KCNAB1: variants seen among roughly 807,000 people sequenced by gnomAD.
KCNAB1 encodes the protein voltage-gated potassium channel subunit beta-1.
A neutral mutation model predicts 64.6 loss-of-function variants in KCNAB1; 35 were observed. The ratio of observed to expected loss-of-function variants is 0.54; its 90% CI spans 0.41 to 0.72. KCNAB1 has a LOEUF of 0.72. Ranked by LOEUF, KCNAB1 falls within the 30% of genes least tolerant of loss-of-function variation. The pLI, the probability that KCNAB1 is intolerant of heterozygous loss-of-function variation, is 0.00. For synonymous variants in KCNAB1, 177 were observed against 183.8 expected (o/e 0.96, Z 0.30); for missense variants, 401 against 512.9 (o/e 0.78, Z 2.11).
chr3:156,239,711 C>A (rs917831568), intron 1 of KCNAB1, among the ~76,000 whole-genome samples: 1 of 152,148 alleles, frequency 6.6e-6, no homozygotes, highest in Non-Finnish European at 1.5e-5. Context: ...TTCCATTCGA[C>A]GTATTTATCA....
intron 1 of KCNAB1, among the ~76,000 whole-genome samples, chr3:156,255,683 C>T (rs944121470): frequency 2.0e-5 from 3 of 152,302 alleles, no homozygotes; most frequent in Admixed American, 2.0e-4. Flanking sequence ...TAACAATGGG[C>T]TCATGTGTCC....
At chr3:156,184,384 T>C (rs1335616433) in intron 1 of KCNAB1, among the ~76,000 whole-genome samples, 1 of 152,122 alleles carries the variant, frequency 6.6e-6, no homozygotes, top group Non-Finnish European at 1.5e-5. Context: ...TCCAGCTCTG[T>C]TTTGGGCCAG....
chr3:156,154,603 C>T (rs1715609766), intron 1 of KCNAB1, among the ~76,000 whole-genome samples: 1 of 152,146 alleles, frequency 6.6e-6, no homozygotes, highest in Admixed American at 6.5e-5. Context: ...ATAGATCAGA[C>T]TTTCCCATCA....
intron 8 of KCNAB1, among the ~76,000 whole-genome samples, chr3:156,479,857 T>G (rs1714661272): frequency 6.6e-6 from 1 of 152,132 alleles, no homozygotes; most frequent in African/African-American, 2.4e-5. Flanking sequence ...CAAAGTTAGC[T>G]TCACTTATTC....
At chr3:156,247,952 C>A (rs1717567022) in intron 1 of KCNAB1, among the ~76,000 whole-genome samples, 2 of 152,204 alleles carry the variant, frequency 1.3e-5, no homozygotes, top group African/African-American at 4.8e-5. Context: ...GGAATCAACT[C>A]ATATAACCGT....
At chr3:156,497,630 A>G in intron 8 of KCNAB1, among the ~76,000 whole-genome samples, 1 of 152,244 alleles carries the variant, frequency 6.6e-6, no homozygotes. Flanking sequence ...AAGATCAGAA[A>G]TTTAAGACTT....
intron 1 of KCNAB1, among the ~76,000 whole-genome samples, chr3:156,145,746 C>T (rs1715000374): frequency 6.6e-6 from 1 of 152,074 alleles, no homozygotes; most frequent in Admixed American, 6.5e-5. Flanking sequence ...GACATTGGGC[C>T]AGTCATGACA....
chr3:156,177,060 A>C, intron 1 of KCNAB1: 1 of 499,540 alleles, frequency 2.0e-6, no homozygotes, highest in Non-Finnish European at 3.5e-6. Context: ...GCTTGCAGCT[A>C]CTCCACAGCT....
At chr3:156,183,233 G>A (rs1712984730) in intron 1 of KCNAB1, among the ~76,000 whole-genome samples, 1 of 152,084 alleles carries the variant, frequency 6.6e-6, no homozygotes, top group Non-Finnish European at 1.5e-5. Flanking sequence ...GAAACATGAG[G>A]TAGGAGGATC....
At chr3:156,510,630 G>C (rs1046548696) in intron 8 of KCNAB1, among the ~76,000 whole-genome samples, 1 of 152,124 alleles carries the variant, frequency 6.6e-6, no homozygotes, top group Admixed American at 6.6e-5. Flanking sequence ...TTCTTCCATT[G>C]AGTGGCTTCC....
intron 1 of KCNAB1, among the ~76,000 whole-genome samples, chr3:156,382,896 C>T (rs1186586052): frequency 1.3e-5 from 2 of 152,200 alleles, no homozygotes; most frequent in East Asian, 3.9e-4. Context: ...AGCTTGTTAG[C>T]GCAGCCTAAC....
At chr3:156,417,873 C>A (rs1715189449) in intron 1 of KCNAB1, among the ~76,000 whole-genome samples, 1 of 152,202 alleles carries the variant, frequency 6.6e-6, no homozygotes, top group Admixed American at 6.5e-5. Context: ...GGAATCACAA[C>A]CTTTGAGCTC....
In KCNAB1 at chr3:156,421,655, T is replaced by C; in HGVS notation, c.315T>C (p.Gly105=). The change falls in exon 2 of 14, where the codon GGT becomes GGC. Residue 105 remains glycine, a synonymous_variant. Coordinates refer to ENST00000490337, the MANE Select transcript of KCNAB1 (RefSeq NM_172160.3). The part of the protein sequence containing the change: ...GKSGLRVSCL[G]LGTWVTFGGQ... ...CAGGACTCAGAGTTTCTTGCTTGGGTCTTGGTAAGTACTGAGGGTGTGACC... is the reference window on the plus strand; with the variant it reads ...CAGGACTCAGAGTTTCTTGCTTGGGCCTTGGTAAGTACTGAGGGTGTGACC... The C allele has an allele frequency of 6.2e-7, 1 of 1,613,940 alleles. No homozygotes were observed. The highest frequency in any genetic ancestry group is 8.5e-7 in the Non-Finnish European group (1 of 1,179,894).
intron 1 of KCNAB1, among the ~76,000 whole-genome samples, chr3:156,207,599 C>T (rs1475457798): frequency 6.6e-6 from 1 of 152,204 alleles, no homozygotes; most frequent in African/African-American, 2.4e-5. Flanking sequence ...CAATACAAAT[C>T]TAATCCACTT....
intron 1 of KCNAB1, among the ~76,000 whole-genome samples, chr3:156,254,177 TA>T (rs964430542): frequency 6.6e-6 from 1 of 152,158 alleles, no homozygotes; most frequent in Non-Finnish European, 1.5e-5. Context: ...ATGTTAAAAA[TA>T]AAAAGAGAGC....
intron 1 of KCNAB1, among the ~76,000 whole-genome samples, chr3:156,364,967 A>G (rs1725854661): frequency 6.6e-6 from 1 of 152,206 alleles, no homozygotes; most frequent in African/African-American, 2.4e-5. Context: ...GGTAATAGCA[A>G]AGCTAAATAT....
chr3:156,339,043 G>T (rs2108061304), intron 1 of KCNAB1, among the ~76,000 whole-genome samples: 1 of 152,274 alleles, frequency 6.6e-6, no homozygotes, highest in African/African-American at 2.4e-5. Flanking sequence ...GCATGGCAAG[G>T]GTTGAGTAGG....
At chr3:156,382,414 G>A (rs920760765) in intron 1 of KCNAB1, among the ~76,000 whole-genome samples, 3 of 152,214 alleles carry the variant, frequency 2.0e-5, no homozygotes, top group African/African-American at 4.8e-5. Context: ...CCCAGGAGGT[G>A]GAGGTTGCAG....
chr3:156,314,465 A>G (rs1164412832), intron 1 of KCNAB1, among the ~76,000 whole-genome samples: 1 of 152,114 alleles, frequency 6.6e-6, no homozygotes, highest in Non-Finnish European at 1.5e-5. Context: ...AGGCCACCCA[A>G]CCTGCCTGAC....
Sources: allele counts gnomAD v4.1 joint callset (sites outside exome capture counted in the v4.1 genomes callset), GRCh38; gene constraint gnomAD v4.1.1; transcripts MANE v1.5; gene names NCBI Gene and HGNC (gene_info 2026-07-23, HGNC 2026-07-21).